TTBK2: variants seen among roughly 807,000 people sequenced by gnomAD.
TTBK2 encodes tau-tubulin kinase 2.
A neutral mutation model predicts 110.8 loss-of-function variants in TTBK2; 28 were observed. The observed-to-expected ratio is 0.25, with a 90% confidence interval of 0.19 to 0.35. The LOEUF is 0.35. TTBK2 is among the 10% of genes least tolerant of loss of function. TTBK2 has a pLI of 1.00. For synonymous variants in TTBK2, 532 were observed against 527.3 expected, an observed-to-expected ratio of 1.01 and a Z score of -0.12; for missense variants, 1,369 against 1,500.3, an observed-to-expected ratio of 0.91 and a Z score of 1.45.
chr15:42,797,634 A>C (rs1271199363), intron 9 of TTBK2, among the ~76,000 whole-genome samples: 2 of 152,240 alleles, frequency 1.3e-5, no homozygotes, highest in Non-Finnish European at 2.9e-5. Context: ...GAAACAGGAC[A>C]AGTCAGGGAC....
Position 42,840,350 on chromosome 15 carries a change from G to T in TTBK2, c.291+10C>A. The T allele has an allele frequency of 1.9e-6, 3 of 1,612,252 alleles. No individual in the cohort carries two copies. The highest frequency in any genetic ancestry group is 2.5e-6 in the Non-Finnish European group (3 of 1,178,462). ...GAAGAATTTAAAGATACGTTTTCAA[G>T]GTAACCTACCTGCAACTGCATGACC... On this transcript the variant is annotated intron_variant, in intron 4 of 14. Transcript: ENST00000267890.
rs920102954 is a variant in TTBK2, at chr15:42,800,840, C to T, written c.823-6039G>A. The T allele has an allele frequency of 1.9e-5, 11 of 575,380 alleles. No individual in the cohort carries two copies. In the Admixed American group the frequency reaches 2.2e-4, roughly 11 times the overall value. 35.6% of individuals were successfully genotyped at this position (575,380 alleles called of 1,614,324 possible). A position where few individuals can be genotyped will look rare whatever the true frequency, so the allele number is the denominator to read the frequency against. On this transcript the variant is annotated intron_variant, in intron 9 of 14. Transcript: ENST00000267890. ...GGGGTCCCCAGGTAGTAAACTCCCT[C>T]GCGGATGGGCTGAGGGCTAGGGCTG...
chr15:42,846,199 C>CTT (rs796155471), intron 3 of TTBK2, among the ~76,000 whole-genome samples: 5 of 140,722 alleles, frequency 3.6e-5, no homozygotes, highest in Non-Finnish European at 4.7e-5. Context: ...TTTTTTCTTT[C>CTT]TTTTTTTTTT....
At chr15:42,855,942 A>G (rs1893923379) in intron 3 of TTBK2, among the ~76,000 whole-genome samples, 1 of 152,184 alleles carries the variant, frequency 6.6e-6, no homozygotes, top group African/African-American at 2.4e-5. Context: ...TCAGCCTCCC[A>G]AAGTGCTAGG....
At chr15:42,879,476 G>C (rs116821384) in intron 1 of TTBK2, among the ~76,000 whole-genome samples, 18 of 152,246 alleles carry the variant, frequency 1.2e-4, no homozygotes, top group African/African-American at 4.1e-4. Context: ...TATAGCAGGA[G>C]TCAGCAAACT....
intron 9 of TTBK2, among the ~76,000 whole-genome samples, chr15:42,800,633 G>C: frequency 6.6e-6 from 1 of 152,166 alleles, no homozygotes; most frequent in Non-Finnish European, 1.5e-5. Flanking sequence ...ATGTTGGCTT[G>C]GCTGATTGAA....
chr15:42,773,264 A>G (rs1889755322), intron 13 of TTBK2, among the ~76,000 whole-genome samples: 2 of 152,072 alleles, frequency 1.3e-5, no homozygotes, highest in Non-Finnish European at 2.9e-5. Context: ...ATTTCATTAG[A>G]GACTTTCAAT....
chr15:42,745,813 G>C lies in TTBK2; in HGVS notation c.3717C>G (p.Ala1239=). 1 of 1,614,140 alleles carries C rather than the reference G, an allele frequency of 6.2e-7. No homozygotes were observed. The highest frequency in any genetic ancestry group is 8.5e-7 in the Non-Finnish European group (1 of 1,180,050). The change falls in exon 15 of 15, where the codon GCC becomes GCG. Residue 1239 remains alanine (A), a synonymous_variant. Coordinates refer to ENST00000267890, the MANE Select transcript of TTBK2 (RefSeq NM_173500.4). ...TKTPQGKSKP[A]SKLSR Reference sequence around the variant, plus strand: ...CTGGCTCCTATCTGCTGAGTTTACTGGCTGGCTTACTCTTCCCTTGGGGGG... The same window carrying C: ...CTGGCTCCTATCTGCTGAGTTTACTCGCTGGCTTACTCTTCCCTTGGGGGG...
chr15:42,800,294 C>T, intron 9 of TTBK2: 1 of 439,776 alleles, frequency 2.3e-6, no homozygotes, highest in Non-Finnish European at 4.5e-6. Context: ...ATGCAGCCTA[C>T]ATAGATGCTT....
intron 14 of TTBK2, among the ~76,000 whole-genome samples, chr15:42,746,750 T>C (rs969074140): frequency 3.9e-5 from 6 of 152,096 alleles, no homozygotes; most frequent in Non-Finnish European, 7.4e-5. Flanking sequence ...CAAGGATCTG[T>C]CACCCCTAAG....
intron 1 of TTBK2, among the ~76,000 whole-genome samples, chr15:42,884,589 A>AT (rs1895170381): frequency 6.6e-6 from 1 of 152,180 alleles, no homozygotes; most frequent in African/African-American, 2.4e-5. Flanking sequence ...TTGCCAGGGG[A>AT]ACCAACCCTG....
intron 1 of TTBK2, among the ~76,000 whole-genome samples, chr15:42,897,610 C>T (rs1895716783): frequency 6.6e-6 from 1 of 152,128 alleles, no homozygotes; most frequent in East Asian, 1.9e-4. Context: ...TATTGATTAG[C>T]TGGTCTTGGA....
rs149006140 is a variant in TTBK2, at chr15:42,890,302, C to T, written c.-67-11618G>A. Reference sequence around the variant, plus strand: ...CCTGCACCCAGGTGAAATAAACAGCCTTGTTGCTCACACAAACCTGTTTGG... The same window carrying T: ...CCTGCACCCAGGTGAAATAAACAGCTTTGTTGCTCACACAAACCTGTTTGG... On this transcript the variant is annotated intron_variant, in intron 1 of 14. Transcript: ENST00000267890. Among the ~76,000 whole-genome samples, 415 of 152,328 alleles carry T rather than the reference C, an allele frequency of 2.7e-3. 20 individuals carry two copies. The East Asian group carries it at 0.063, about 23-fold the overall frequency.
intron 3 of TTBK2, among the ~76,000 whole-genome samples, chr15:42,858,906 G>C (rs1160067515): frequency 6.6e-6 from 1 of 152,078 alleles, no homozygotes; most frequent in Non-Finnish European, 1.5e-5. Context: ...ATCTCCAGGA[G>C]TTCAACTAGT....
intron 13 of TTBK2, among the ~76,000 whole-genome samples, chr15:42,760,528 A>G (rs1014346145): frequency 6.6e-6 from 1 of 152,116 alleles, no homozygotes; most frequent in Non-Finnish European, 1.5e-5. Flanking sequence ...CAAAAATAAA[A>G]TTTTTTAATG....
chr15:42,815,005 G>T (rs1891880666), intron 7 of TTBK2, among the ~76,000 whole-genome samples: 1 of 152,102 alleles, frequency 6.6e-6, no homozygotes, highest in African/African-American at 2.4e-5. Context: ...TAGCTATTTT[G>T]AAAATGCTTA....
intron 3 of TTBK2, among the ~76,000 whole-genome samples, chr15:42,865,784 C>G (rs923189842): frequency 6.6e-6 from 1 of 151,966 alleles, no homozygotes; most frequent in African/African-American, 2.4e-5. Flanking sequence ...GATCACACCG[C>G]TGTACTCTAG....
At chr15:42,802,415 C>T (rs1219681505) in intron 9 of TTBK2, 4 of 736,510 alleles carry the variant, frequency 5.4e-6, no homozygotes, top group Non-Finnish European at 1.0e-5. Flanking sequence ...ATGGTGGAGG[C>T]AGGCGGGCCG....
In TTBK2 at chr15:42,775,515, G is replaced by A. The variant is rs369686818; in HGVS notation, c.1618C>T (p.Leu540=). ...GGSNGFIAVN[L]SSCKQEIDSK... ...TCAATTTCTTGCTTGCAAGAGCTCA[G>A]GTTAACAGCTATAAATCCATTGCTG... The change falls in exon 13 of 15, where the codon CTG becomes TTG. Residue 540 remains leucine (L), a synonymous_variant. Coordinates refer to ENST00000267890, the MANE Select transcript of TTBK2 (RefSeq NM_173500.4). 581 of 1,614,062 alleles carry A rather than the reference G, an allele frequency of 3.6e-4. No individual in the cohort carries two copies. The highest frequency in any genetic ancestry group is 4.5e-4 in the Non-Finnish European group (530 of 1,180,038).
Sources: allele counts gnomAD v4.1 joint callset (sites outside exome capture counted in the v4.1 genomes callset), GRCh38; gene constraint gnomAD v4.1.1; transcripts MANE v1.5; gene names NCBI Gene and HGNC (gene_info 2026-07-23, HGNC 2026-07-21).